The following HDDC2 variants were observed in gnomAD, a reference collection of about 807,000 sequenced individuals.
HDDC2 encodes the protein HD domain containing 2.
Under a neutral mutation model 25.5 loss-of-function variants are expected in HDDC2, and 25 were observed. The observed-to-expected ratio is 0.98, with a 90% CI of 0.72 to 1.37. The LOEUF (loss-of-function observed/expected upper bound fraction) is 1.37. Among genes scored for constraint, HDDC2 ranks in the 40% most tolerant of loss-of-function variants. The pLI, the probability that HDDC2 is intolerant of heterozygous loss-of-function variation, is 0.00. For missense variants in HDDC2, 264 were observed against 253.1 expected (o/e 1.04, Z -0.29); for synonymous variants, 106 against 89.7 (o/e 1.18, Z -1.03).
chr6:125,277,121 G>T lies in HDDC2; in HGVS notation c.498C>A (p.Asp166Glu). 2 of 1,614,052 alleles carry T rather than the reference G, an allele frequency of 1.2e-6. No individual in the cohort carries two copies. Among genetic ancestry groups the T allele is most frequent in the Non-Finnish European group, 1.7e-6 (2 of 1,179,960 alleles). Residue 166 changes from aspartate to glutamate, a missense_variant, in exon 5 of 6, where the codon GAC becomes GAA. Physicochemically the swap from Asp to Glu is conservative, Grantham distance 45 (BLOSUM62 2). Coordinates refer to ENST00000398153, the MANE Select transcript of HDDC2 (RefSeq NM_016063.3). ...GAGTACCTGCTGTGGAATCATAGAA[G>T]TCTTGCAGTCTCCCAGGTTTGTGTT... The part of the protein sequence containing the change: ...DLEHKPGRLQ[D>E]FYDSTAGKFN...
intron 3 of HDDC2, among the ~76,000 whole-genome samples, chr6:125,294,114 A>G (rs1338484568): frequency 1.3e-5 from 2 of 152,284 alleles, no homozygotes; most frequent in Admixed American, 6.5e-5. Context: ...CCTTCATCCC[A>G]TACCTTTTAA....
At position 125,282,546 on chromosome 6, in the gene HDDC2, A is replaced by C. The variant is rs112287846; in HGVS notation, c.379-5306T>G. On this transcript the variant is annotated intron_variant, in intron 4 of 5. Transcript: ENST00000398153. Reference sequence around the variant, plus strand: ...AATATGGAAAGGAAAAACCAGTATCAGCCACTGTGAAAACAAACCAAAATG... The same window carrying C: ...AATATGGAAAGGAAAAACCAGTATCCGCCACTGTGAAAACAAACCAAAATG... Among the ~76,000 whole-genome samples the C allele has an allele frequency of 7.7e-3, 1,167 of 152,328 alleles. 18 individuals are homozygous for C. The highest frequency in any genetic ancestry group is 0.027 in the African/African-American group (1,103 of 41,562).
intron 4 of HDDC2, among the ~76,000 whole-genome samples, chr6:125,280,818 C>T (rs898112342): frequency 2.0e-5 from 3 of 152,214 alleles, no homozygotes; most frequent in South Asian, 4.1e-4. Context: ...TCCTGCCTGC[C>T]GGCTCTGAAG....
intron 1 of HDDC2, among the ~76,000 whole-genome samples, 174 bp from the exon 2 acceptor site, chr6:125,300,833 C>G (rs1798788392): frequency 6.6e-6 from 1 of 152,056 alleles, no homozygotes; most frequent in Non-Finnish European, 1.5e-5. Context: ...ATCAAATGAA[C>G]TAGAGAGCTC....
chr6:125,276,427 G>A lies in HDDC2; in HGVS notation c.518-184C>T, dbSNP rs572926913. On this transcript the variant is annotated intron_variant, in intron 5 of 5. Transcript: ENST00000398153. ...CTGAAGGGGACCACTTGGCATTTACGCTCTGTCACCCCAGGTGCAACTGAG... is the reference window on the plus strand; with the variant it reads ...CTGAAGGGGACCACTTGGCATTTACACTCTGTCACCCCAGGTGCAACTGAG... 2.6e-5 allele frequency: 15 copies of A among 582,064 alleles called. 1 individual carries two copies. Among genetic ancestry groups the A allele is most frequent in the South Asian group, 1.5e-4 (7 of 47,214 alleles). 36.1% of individuals were successfully genotyped at this position (582,064 alleles called of 1,614,324 possible). A position where few individuals can be genotyped will look rare whatever the true frequency, so the allele number is the denominator to read the frequency against.
intron 4 of HDDC2, among the ~76,000 whole-genome samples, chr6:125,292,488 C>G (rs1458944829): frequency 6.6e-6 from 1 of 152,114 alleles, no homozygotes; most frequent in East Asian, 1.9e-4. Flanking sequence ...GTGCCGAGGT[C>G]ACAGAACCTC....
intron 3 of HDDC2, among the ~76,000 whole-genome samples, chr6:125,294,692 TA>T (rs1562447454): frequency 6.6e-6 from 1 of 152,222 alleles, no homozygotes; most frequent in Non-Finnish European, 1.5e-5. Context: ...GACAGGAGAC[TA>T]TTTTATTCTC....
intron 2 of HDDC2, 78 bp from the exon 3 acceptor site, chr6:125,298,894 T>C (rs1798751676): frequency 2.4e-6 from 2 of 832,816 alleles, no homozygotes; most frequent in Non-Finnish European, 3.8e-6. Flanking sequence ...CTTCCAAAGT[T>C]ATATAATATA....
At position 125,297,696 on chromosome 6, in the gene HDDC2, A is replaced by C. The variant is rs1049875839; in HGVS notation, c.309+1018T>G. The C allele has an allele frequency of 1.8e-5, 7 of 394,654 alleles. No homozygotes were observed. In the East Asian group the frequency reaches 2.5e-4, roughly 14 times the overall value. 24.4% of individuals were successfully genotyped at this position (394,654 alleles called of 1,614,324 possible). On this transcript the variant is annotated intron_variant, in intron 3 of 5. Coordinates refer to ENST00000398153, the MANE Select transcript of HDDC2 (RefSeq NM_016063.3). ...AACCATCTCAATAAAGACTCCTACT[A>C]CTCAGCAATTTAGGACCAATCTCTT... is the stretch of plus-strand genomic sequence containing the variant.
At chr6:125,294,495 G>C (rs142187087) in intron 3 of HDDC2, among the ~76,000 whole-genome samples, 1 of 152,142 alleles carries the variant, frequency 6.6e-6, no homozygotes, top group Admixed American at 6.5e-5. Flanking sequence ...ATTTCAGCAA[G>C]AATACTTGAG....
chr6:125,284,229 A>T (rs9491365), intron 4 of HDDC2, among the ~76,000 whole-genome samples: 11 of 152,200 alleles, frequency 7.2e-5, no homozygotes, highest in Non-Finnish European at 1.5e-4. Context: ...AACCTAGGCA[A>T]TACCATTCAG....
At chr6:125,292,319 G>T (rs936165976) in intron 4 of HDDC2, among the ~76,000 whole-genome samples, 1 of 152,048 alleles carries the variant, frequency 6.6e-6, no homozygotes, top group Non-Finnish European at 1.5e-5. Context: ...TCCCTTCACT[G>T]TCAGCAGCAC....
intron 4 of HDDC2, among the ~76,000 whole-genome samples, chr6:125,285,252 A>G (rs1798513691): frequency 6.6e-6 from 1 of 152,108 alleles, no homozygotes; most frequent in Non-Finnish European, 1.5e-5. Flanking sequence ...ACCATGCCAC[A>G]TGTATACCTA....
At chr6:125,300,033 C>T (rs9491376) in intron 2 of HDDC2, among the ~76,000 whole-genome samples, 41,114 of 152,162 alleles carry the variant, frequency 0.27, 7,514 homozygotes, top group African/African-American at 0.53. Flanking sequence ...TTTGGGCCTG[C>T]GTAATTCACT....
At chr6:125,281,235 C>A (rs1226953699) in intron 4 of HDDC2, among the ~76,000 whole-genome samples, 1 of 152,132 alleles carries the variant, frequency 6.6e-6, no homozygotes, top group Non-Finnish European at 1.5e-5. Context: ...GTAGATAAAT[C>A]CACAAAGATG....
intron 3 of HDDC2, among the ~76,000 whole-genome samples, chr6:125,296,556 T>G (rs780224656): frequency 6.6e-6 from 1 of 152,198 alleles, no homozygotes; most frequent in Non-Finnish European, 1.5e-5. Context: ...TCTTCTCTCT[T>G]CCCAAATCCT....
At position 125,277,145 on chromosome 6, in the gene HDDC2, T is replaced by C. The variant is rs941422376; in HGVS notation, c.474A>G (p.Glu158=). ...AGTCTTGCAGTCTCCCAGGTTTGTG[T>C]TCAAGGTCTTCATATTCAGATGCTT... ...ILQASEYEDL[E]HKPGRLQDFY... is the part of the protein sequence containing the mutation. Residue 158 remains glutamate (E), a synonymous_variant, in exon 5 of 6, where the codon GAA becomes GAG. Transcript: ENST00000398153. 1 of 1,614,026 alleles carries C rather than the reference T, an allele frequency of 6.2e-7. No individual in the cohort carries two copies. The highest frequency in any genetic ancestry group is 8.5e-7 in the Non-Finnish European group (1 of 1,179,994).
chr6:125,276,202 G>C lies in HDDC2; in HGVS notation c.559C>G (p.Leu187Val). 3.7e-6 allele frequency: 6 copies of C among 1,614,166 alleles called. No homozygotes were observed. The highest frequency in any genetic ancestry group is 5.1e-6 in the Non-Finnish European group (6 of 1,180,004). The change falls in exon 6 of 6, where the codon CTT (leucine) becomes GTT (valine). Residue 187 changes from leucine to valine, a missense_variant. Physicochemically the swap from Leu to Val is conservative, Grantham distance 32 (BLOSUM62 1). Transcript: ENST00000398153. ...ATGTTAGTGCTTCTTTCTGCCTCAAGTTCAGAAACAAGCTGGACTATCTCA... is the reference window on the plus strand; with the variant it reads ...ATGTTAGTGCTTCTTTCTGCCTCAACTTCAGAAACAAGCTGGACTATCTCA... The part of the protein sequence containing the change: ...HPEIVQLVSE[L>V]EAERSTNIAA...
chr6:125,294,985 T>C (rs1798687312), intron 3 of HDDC2, among the ~76,000 whole-genome samples: 1 of 152,278 alleles, frequency 6.6e-6, no homozygotes, highest in African/African-American at 2.4e-5. Flanking sequence ...TGATTGATAT[T>C]TGTTAATCAC....
Sources: gnomAD v4.1 joint callset for allele counts (sites outside exome capture counted in the v4.1 genomes callset) on GRCh38, gnomAD v4.1.1 for gene constraint, MANE v1.5 for transcripts, NCBI Gene and HGNC (gene_info 2026-07-23, HGNC 2026-07-21) for gene names.